Variants in PML observed in about 807,000 individuals in gnomAD.
PML encodes PML nuclear body scaffold.
In PML, 28 loss-of-function variants were observed where a neutral mutation model predicts 65.2. That is an observed-to-expected ratio of 0.43 (90% CI 0.32 to 0.59). The LOEUF (loss-of-function observed/expected upper bound fraction) is 0.59. Among genes scored for constraint, PML ranks in the 20% least tolerant of loss-of-function variants. The pLI is 0.08. For missense variants in PML, 1,021 were observed against 1,203.4 expected (o/e 0.85, Z 2.24); for synonymous variants, 500 against 508.8 (o/e 0.98, Z 0.23).
At chr15:74,006,307 C>G (rs570777188) in intron 2 of PML, among the ~76,000 whole-genome samples, 1 of 146,964 alleles carries the variant, frequency 6.8e-6, no homozygotes, top group Non-Finnish European at 1.5e-5. Flanking sequence ...AGGAGAATTG[C>G]ATGAACCCTG....
intron 8 of PML, 98 bp from the exon 9 acceptor site, chr15:74,044,123 C>A: frequency 8.4e-7 from 1 of 1,192,208 alleles, no homozygotes; most frequent in Non-Finnish European, 1.2e-6. Flanking sequence ...AAGGTGAGGT[C>A]TCTAGATGGT....
In PML at chr15:74,020,287, C is replaced by CT. The variant is rs1187914506; in HGVS notation, c.603-2521dup. Among the ~76,000 whole-genome samples the CT allele has an allele frequency of 9.9e-3, 1,151 of 116,256 alleles. 13 individuals are homozygous for CT. The highest frequency in any genetic ancestry group is 0.025 in the African/African-American group (801 of 31,650). 76.3% of individuals were successfully genotyped at this position (116,256 alleles called of 152,430 possible). On this transcript the variant is annotated intron_variant, in intron 2 of 8. Coordinates refer to ENST00000268058, the MANE Select transcript of PML (RefSeq NM_033238.3). The stretch of plus-strand genomic sequence containing the variant: ...TGGCCTCAGGTGGGCTGACTTATTC[C>CT]TTTTTTTTTTTTTTTTTTTTGAGAT...
At chr15:74,040,712 A>C (rs2071677116) in intron 7 of PML, among the ~76,000 whole-genome samples, 1 of 152,222 alleles carries the variant, frequency 6.6e-6, no homozygotes, top group African/African-American at 2.4e-5. Flanking sequence ...GGGTGGCCAT[A>C]CTTTATGGAA....
intron 2 of PML, among the ~76,000 whole-genome samples, chr15:74,007,084 G>T (rs1484756934): frequency 2.0e-5 from 3 of 152,202 alleles, no homozygotes; most frequent in Non-Finnish European, 4.4e-5. Flanking sequence ...GTTTGTGCGG[G>T]CCTACTTGGT....
chr15:74,021,759 C>T (rs1049381869), intron 2 of PML, among the ~76,000 whole-genome samples: 5 of 150,730 alleles, frequency 3.3e-5, no homozygotes, highest in Non-Finnish European at 7.4e-5. Flanking sequence ...GAAAGGAAAA[C>T]GAAAGAAAGA....
intron 6 of PML, 152 bp downstream of exon 6, chr15:74,033,566 T>G: frequency 1.2e-6 from 1 of 857,204 alleles, no homozygotes; most frequent in Non-Finnish European, 1.9e-6. Context: ...ACAGTGTGCG[T>G]GGGGGTGAGA....
rs767411421 is a variant in PML at position 74,024,895 on chromosome 15, A to G, written c.1222A>G (p.Ser408Gly). ...CAAGAAAGCCAGCCCAGAGGCTGCC[A>G]GCACTCCCAGGGACCCTATTGACGT... The part of the protein sequence containing the change: ...VSKKASPEAA[S>G]TPRDPIDVDL... Residue 408 changes from serine (S) to glycine (G), a missense_variant, in exon 4 of 9, where the codon AGC becomes GGC. Transcript: ENST00000268058. 4 of 1,613,952 alleles carry G rather than the reference A, an allele frequency of 2.5e-6. No homozygotes were observed. The South Asian group carries it at 3.3e-5, about 13-fold the overall frequency.
chr15:74,042,142 C>T lies in PML; in HGVS notation c.1711-847C>T, dbSNP rs558175770. On this transcript the variant is annotated intron_variant, in intron 7 of 8. Coordinates refer to ENST00000268058, the MANE Select transcript of PML (RefSeq NM_033238.3). The surrounding 1 kb of genome is among the most constrained non-coding windows in gnomAD (Gnocchi z 5.3). ...TTGGGAAAATCTCAGAGCTGGAGCC[C>T]TTCCCTCATCCTCTGGCTCCCCACC... Among the ~76,000 whole-genome samples, 76 of 152,354 alleles carry T rather than the reference C, an allele frequency of 5.0e-4. No homozygotes were observed. Among genetic ancestry groups the T allele is most frequent in the Non-Finnish European group, 9.3e-4 (63 of 68,032 alleles).
At chr15:73,998,583 G>A in intron 2 of PML, 107 bp downstream of exon 2, 5 of 939,050 alleles carry the variant, frequency 5.3e-6, no homozygotes, top group African/African-American at 1.6e-5. Flanking sequence ...AGCTTCTGGG[G>A]CCTTGCAACT....
At chr15:74,005,068 T>G (rs962481352) in intron 2 of PML, among the ~76,000 whole-genome samples, 1 of 151,946 alleles carries the variant, frequency 6.6e-6, no homozygotes, top group Non-Finnish European at 1.5e-5. Context: ...TTATTTTTAT[T>G]TTTTGAGACA....
intron 7 of PML, chr15:74,036,499 G>A (rs1265558861): frequency 1.7e-6 from 2 of 1,166,130 alleles, no homozygotes; most frequent in South Asian, 2.0e-5. Context: ...TCTCCTCTGG[G>A]GATACCATGT....
At chr15:74,010,912 GTC>G (rs2070305601) in intron 2 of PML, among the ~76,000 whole-genome samples, 1 of 152,212 alleles carries the variant, frequency 6.6e-6, no homozygotes, top group African/African-American at 2.4e-5. Context: ...GGGTTTATTT[GTC>G]TCTATAAGTT....
chr15:74,043,854 C>T lies in PML; in HGVS notation c.1862-367C>T. On this transcript the variant is annotated intron_variant, in intron 8 of 8. Transcript: ENST00000268058. This position sits in a 1 kb window ranked among gnomAD's most constrained non-coding sequence, Gnocchi z 4.3. ...TCCTTGAGGGGATTGGAGGAAGGAG[C>T]ATGGGATGGAGAGCTAAGTTCAAGC... 1.9e-6 allele frequency: 1 copy of T among 522,096 alleles called. No individual in the cohort carries two copies. The allele number at this position is 522,096 out of a possible 1,614,324, so 32.3% of individuals were successfully genotyped here.
intron 2 of PML, among the ~76,000 whole-genome samples, chr15:74,002,127 C>T (rs979896337): frequency 2.0e-5 from 3 of 151,938 alleles, no homozygotes; most frequent in Admixed American, 6.6e-5. Flanking sequence ...TGTGATGGTG[C>T]GATTTCATAC....
At chr15:74,004,439 T>C (rs1193425026) in intron 2 of PML, among the ~76,000 whole-genome samples, 1 of 152,150 alleles carries the variant, frequency 6.6e-6, no homozygotes, top group African/African-American at 2.4e-5. Flanking sequence ...TAGCTAGGAC[T>C]ATAGGTGCCT....
chr15:74,017,472 C>T (rs373081911), intron 2 of PML, among the ~76,000 whole-genome samples: 133 of 152,098 alleles, frequency 8.7e-4, no homozygotes, highest in African/African-American at 3.0e-3. Flanking sequence ...CATGGTGAAA[C>T]CCTGTCTCTA....
Position 74,037,520 on chromosome 15 carries a change from C to T in PML, c.1710+2990C>T, listed in dbSNP as rs1227073171. 4.1e-6 allele frequency: 4 copies of T among 985,260 alleles called. No homozygotes were observed. The highest frequency in any genetic ancestry group is 4.8e-6 in the Non-Finnish European group (4 of 829,928). 61.0% of individuals were successfully genotyped at this position (985,260 alleles called of 1,614,324 possible). A position where few individuals can be genotyped will look rare whatever the true frequency, so the allele number is the denominator to read the frequency against. On this transcript the variant is annotated intron_variant, in intron 7 of 8. Coordinates refer to ENST00000268058, the MANE Select transcript of PML (RefSeq NM_033238.3). This position sits in a 1 kb window ranked among gnomAD's most constrained non-coding sequence, Gnocchi z 4.2. Reference sequence around the variant, plus strand: ...AGAAAACTCCACCCACTTCTCTCTCCAGCTGTCGGCTCCCCTTCCTCTGCT... The same window carrying T: ...AGAAAACTCCACCCACTTCTCTCTCTAGCTGTCGGCTCCCCTTCCTCTGCT...
chr15:74,029,560 G>A (rs2071226586), intron 4 of PML, among the ~76,000 whole-genome samples: 1 of 152,082 alleles, frequency 6.6e-6, no homozygotes, highest in African/African-American at 2.4e-5. Context: ...GGAGGCAGAG[G>A]TTGCAGTGAG....
rs774865430 is a variant in PML at position 74,035,616 on chromosome 15, A to ATCAGC, written c.1710+1087_1710+1091dup. ...ACATCCTGCCCAGCTGCAAAGGGGCATCAGCCCACCCCACCGGATACGAGG... is the reference window on the plus strand; with the variant it reads ...ACATCCTGCCCAGCTGCAAAGGGGCATCAGCTCAGCCCACCCCACCGGATACGAGG... On this transcript the variant is annotated intron_variant, in intron 7 of 8. Transcript: ENST00000268058. The surrounding 1 kb of genome is among the most constrained non-coding windows in gnomAD (Gnocchi z 4.1). 1.2e-6 allele frequency: 2 copies of ATCAGC among 1,613,488 alleles called. No individual in the cohort carries two copies. Among genetic ancestry groups the ATCAGC allele is most frequent in the South Asian group, 2.2e-5 (2 of 91,080 alleles).
Sources: allele counts gnomAD v4.1 joint callset (sites outside exome capture counted in the v4.1 genomes callset), GRCh38; gene constraint gnomAD v4.1.1; non-coding constraint Gnocchi (gnomAD v3.1); transcripts MANE v1.5; gene names NCBI Gene and HGNC (gene_info 2026-07-23, HGNC 2026-07-21).